Variants in TBC1D15 observed in about 807,000 individuals in gnomAD.
TBC1D15 encodes the protein GAP for RAB7.
In TBC1D15, 39 loss-of-function variants were observed where a neutral mutation model predicts 95.4. The observed-to-expected ratio is 0.41, with a 90% confidence interval of 0.32 to 0.53. The LOEUF (loss-of-function observed/expected upper bound fraction) is 0.53, where lower values mean the gene tolerates loss of function less well. Ranked by LOEUF, TBC1D15 falls within the 20% of genes least tolerant of loss-of-function variation. The pLI, the probability that TBC1D15 is intolerant of heterozygous loss-of-function variation, is 0.29. For missense variants in TBC1D15, 733 were observed against 794.3 expected (o/e 0.92, Z 0.93); for synonymous variants, 258 against 261.3 (o/e 0.99, Z 0.12).
At chr12:71,857,516 T>A (rs971527985) in intron 1 of TBC1D15, among the ~76,000 whole-genome samples, 1 of 152,200 alleles carries the variant, frequency 6.6e-6, no homozygotes, top group African/African-American at 2.4e-5. Flanking sequence ...TTAAGAAATA[T>A]CTTCATTATA....
At chr12:71,891,102 TTTGA>T (rs2138639667) in intron 5 of TBC1D15, among the ~76,000 whole-genome samples, 2 of 152,318 alleles carry the variant, frequency 1.3e-5, no homozygotes, top group Non-Finnish European at 2.9e-5. Flanking sequence ...TATTCCCAGT[TTTGA>T]TTGATAATCT....
At chr12:71,861,982 A>G (rs182516973) in intron 1 of TBC1D15, among the ~76,000 whole-genome samples, 1 of 152,220 alleles carries the variant, frequency 6.6e-6, no homozygotes, top group East Asian at 1.9e-4. Context: ...GTATTTGTAC[A>G]AATTTGCAAG....
rs867717428 is a variant in TBC1D15 at position 71,923,174 on chromosome 12, C to T, written c.1995C>T (p.Ser665=). Reference sequence around the variant, plus strand: ...ACAGCCCAACACAGATACCAGTGTCCTCAGATGTCTGCAGATTAACACCTG... The same window carrying T: ...ACAGCCCAACACAGATACCAGTGTCTTCAGATGTCTGCAGATTAACACCTG... ...RNDSPTQIPV[S]SDVCRLTPA is the part of the protein sequence containing the mutation. The change falls in exon 17 of 17, where the codon TCC becomes TCT. Residue 665 remains serine (S), a synonymous_variant. Transcript: ENST00000485960. 6.2e-7 allele frequency: 1 copy of T among 1,614,192 alleles called. No individual in the cohort carries two copies. The highest frequency in any genetic ancestry group is 1.1e-5 in the South Asian group (1 of 91,084).
At chr12:71,858,657 C>G (rs981310862) in intron 1 of TBC1D15, among the ~76,000 whole-genome samples, 5 of 150,132 alleles carry the variant, frequency 3.3e-5, no homozygotes, top group African/African-American at 1.2e-4. Context: ...TGGGTTCAGG[C>G]AGTTCTCCTA....
At chr12:71,881,109 A>G (rs988759661) in intron 4 of TBC1D15, among the ~76,000 whole-genome samples, 1 of 152,178 alleles carries the variant, frequency 6.6e-6, no homozygotes, top group African/African-American at 2.4e-5. Context: ...CTGATCGCCT[A>G]TATGTCAGTG....
rs1338823986 is a variant in TBC1D15, at chr12:71,907,080, A to C, written c.1242A>C (p.Pro414=). ...AGTTTTATGAAGGCCAAGATAATCC[A>C]GGGTTGATTTTACTTCATGACATTT... ...TNKFYEGQDN[P]GLILLHDILM... Residue 414 remains proline (P), a synonymous_variant, in exon 11 of 17, where the codon CCA becomes CCC. Coordinates refer to ENST00000485960, the MANE Select transcript of TBC1D15 (RefSeq NM_001146213.3). 7.9e-5 allele frequency: 128 copies of C among 1,612,346 alleles called. No homozygotes were observed. The highest frequency in any genetic ancestry group is 1.1e-4 in the Non-Finnish European group (127 of 1,179,152).
intron 11 of TBC1D15, among the ~76,000 whole-genome samples, chr12:71,912,648 A>G (rs1377231272): frequency 6.6e-6 from 1 of 152,122 alleles, no homozygotes; most frequent in Non-Finnish European, 1.5e-5. Context: ...CATTTATATG[A>G]TAGCAGAACT....
chr12:71,877,309 A>T (rs1894093469), intron 3 of TBC1D15, among the ~76,000 whole-genome samples: 3 of 144,938 alleles, frequency 2.1e-5, no homozygotes, highest in African/African-American at 2.6e-5. Context: ...TTGTTTTTTT[A>T]ATACATTGTG....
chr12:71,855,872 C>G (rs935439590), intron 1 of TBC1D15, among the ~76,000 whole-genome samples: 30 of 149,900 alleles, frequency 2.0e-4, no homozygotes, highest in South Asian at 8.4e-4. Flanking sequence ...CTTAGTATTA[C>G]TGGGTTTTTA....
chr12:71,883,135 T>C (rs1276028894), intron 4 of TBC1D15, among the ~76,000 whole-genome samples: 1 of 151,988 alleles, frequency 6.6e-6, no homozygotes, highest in Non-Finnish European at 1.5e-5. Flanking sequence ...TTTTTTTCTT[T>C]TTTTTTTCAT....
At chr12:71,855,016 A>C (rs1592701349) in intron 1 of TBC1D15, among the ~76,000 whole-genome samples, 1 of 152,190 alleles carries the variant, frequency 6.6e-6, no homozygotes, top group East Asian at 1.9e-4. Flanking sequence ...TATTTTATAA[A>C]GGAAAGAGGT....
intron 14 of TBC1D15, among the ~76,000 whole-genome samples, chr12:71,919,200 GCT>G (rs78636788): frequency 2.0e-5 from 2 of 102,446 alleles, no homozygotes; most frequent in Non-Finnish European, 3.8e-5. Flanking sequence ...AAATCAGTGT[GCT>G]TTTTTTTTTT....
chr12:71,850,520 C>G (rs774366666), intron 1 of TBC1D15: 1 of 163,026 alleles, frequency 6.1e-6, no homozygotes, highest in Non-Finnish European at 1.3e-5. Context: ...TCAAGTGATC[C>G]TTCCACCTCA....
chr12:71,858,557 C>CTTTTT (rs1320497569), intron 1 of TBC1D15, among the ~76,000 whole-genome samples: 2 of 93,360 alleles, frequency 2.1e-5, no homozygotes, highest in African/African-American at 4.0e-5. Flanking sequence ...TTTTCTTTTT[C>CTTTTT]TTTTTTTTTT....
chr12:71,920,304 T>C (rs1459160344), intron 14 of TBC1D15, among the ~76,000 whole-genome samples: 2 of 152,226 alleles, frequency 1.3e-5, no homozygotes, highest in African/African-American at 2.4e-5. Context: ...TGATTCCATG[T>C]ACTGTGTAAC....
In TBC1D15 at chr12:71,922,834, A is replaced by G. The variant is rs1014001843; in HGVS notation, c.1804-149A>G. The G allele has an allele frequency of 1.3e-5, 10 of 755,550 alleles. No individual in the cohort carries two copies. The African/African-American group carries it at 1.6e-4, about 12-fold the overall frequency. 46.8% of individuals were successfully genotyped at this position (755,550 alleles called of 1,614,324 possible). ...TTAGCATTTCATTTGGAGCTGAGAA[A>G]AATGTTGTGAGAAGGGTACATGACA... is the stretch of plus-strand genomic sequence containing the variant. On this transcript the variant is annotated intron_variant, in intron 16 of 16. Transcript: ENST00000485960.
intron 1 of TBC1D15, among the ~76,000 whole-genome samples, chr12:71,844,014 A>G (rs1214446240): frequency 6.7e-6 from 1 of 149,072 alleles, no homozygotes; most frequent in Non-Finnish European, 1.5e-5. Context: ...CTCTCAGTAA[A>G]TAACCTCATC....
intron 7 of TBC1D15, 71 bp downstream of exon 7, chr12:71,894,954 T>C (rs1367678108): frequency 3.5e-6 from 5 of 1,426,352 alleles, no homozygotes; most frequent in East Asian, 2.4e-5. Flanking sequence ...AAATAGAAAC[T>C]TAATTTTGGT....
chr12:71,845,850 G>A (rs969013279), intron 1 of TBC1D15, among the ~76,000 whole-genome samples: 69 of 151,770 alleles, frequency 4.5e-4, no homozygotes, highest in African/African-American at 1.6e-3. Context: ...TAAAATATTT[G>A]GGTTGAATTT....
Sources: allele counts gnomAD v4.1 joint callset (sites outside exome capture counted in the v4.1 genomes callset), GRCh38; gene constraint gnomAD v4.1.1; transcripts MANE v1.5; gene names NCBI Gene and HGNC (gene_info 2026-07-23, HGNC 2026-07-21).